The following SPOP variants were observed in gnomAD, a reference collection of about 807,000 sequenced individuals.
SPOP encodes the protein speckle type BTB/POZ protein, also known as speckle-type POZ protein.
A neutral mutation model predicts 45.6 loss-of-function variants in SPOP; 11 were observed. The observed-to-expected ratio is 0.24, with a 90% CI of 0.15 to 0.40. The LOEUF is 0.40. Ranked by LOEUF, SPOP falls within the 10% of genes least tolerant of loss-of-function variation. The pLI is 1.00. For missense variants in SPOP, 152 were observed against 465.6 expected, an observed-to-expected ratio of 0.33 and a Z score of 6.20; for synonymous variants, 166 against 166.3, an observed-to-expected ratio of 1.00 and a Z score of 0.01.
intron 1 of SPOP, among the ~76,000 whole-genome samples, chr17:49,644,614 C>T (rs1049640296): frequency 6.6e-6 from 1 of 152,054 alleles, no homozygotes; most frequent in South Asian, 2.1e-4. Flanking sequence ...AATATTCATA[C>T]TGTATAATAA....
At chr17:49,624,045 T>C (rs2072272970) in intron 1 of SPOP, among the ~76,000 whole-genome samples, 1 of 152,000 alleles carries the variant, frequency 6.6e-6, no homozygotes, top group South Asian at 2.1e-4. Context: ...CAATGGGGTG[T>C]CTCAGTAGCA....
At chr17:49,624,654 T>A (rs1189764343) in intron 1 of SPOP, among the ~76,000 whole-genome samples, 1 of 151,934 alleles carries the variant, frequency 6.6e-6, no homozygotes, top group Non-Finnish European at 1.5e-5. Context: ...TGTATTTTTT[T>A]GTGGAGACAG....
intron 1 of SPOP, among the ~76,000 whole-genome samples, chr17:49,664,572 GTTT>G (rs2073028663): frequency 1.3e-5 from 2 of 152,042 alleles, no homozygotes; most frequent in African/African-American, 4.8e-5. Context: ...GTCCTCAAAA[GTTT>G]TTAACAGTGT....
At chr17:49,674,989 T>C (rs577646615) in intron 1 of SPOP, among the ~76,000 whole-genome samples, 3 of 152,320 alleles carry the variant, frequency 2.0e-5, no homozygotes, top group Non-Finnish European at 2.9e-5. Context: ...GATAAAAGAC[T>C]GCACAAATGA....
In SPOP at chr17:49,665,649, G is replaced by GACACACACACACACACACACAC. The variant is rs71352530; in HGVS notation, c.-67+12262_-67+12283dup. ...CAAAAAAAGATTATATATATATACA[G>GACACACACACACACACACACAC]ACACACACACACACACACACACACA... On this transcript the variant is annotated intron_variant, in intron 1 of 9. Transcript: ENST00000504102. Among the ~76,000 whole-genome samples, 253 of 126,774 alleles carry GACACACACACACACACACACAC rather than the reference G, an allele frequency of 2.0e-3. 7 individuals are homozygous for GACACACACACACACACACACAC. Among genetic ancestry groups the GACACACACACACACACACACAC allele is most frequent in the Admixed American group, 6.1e-3 (71 of 11,618 alleles). The allele number at this position is 126,774 out of a possible 152,430, so 83.2% of individuals were successfully genotyped here.
chr17:49,631,435 A>G (rs558440154), intron 1 of SPOP, among the ~76,000 whole-genome samples: 14 of 152,214 alleles, frequency 9.2e-5, no homozygotes, highest in Non-Finnish European at 2.1e-4. Flanking sequence ...GTCCCACTGT[A>G]TTCCTCTTAA....
At chr17:49,607,834 A>G (rs2071883976) in intron 7 of SPOP, 40 bp downstream of exon 7, 1 of 1,579,312 alleles carries the variant, frequency 6.3e-7, no homozygotes, top group Non-Finnish European at 8.7e-7. Context: ...CTGACTCTAG[A>G]TACCTGGCTA....
Position 49,619,956 on chromosome 17 carries a change from C to G in SPOP, c.201-571G>C, listed in dbSNP as rs558769467. 6.6e-6 allele frequency among the ~76,000 whole-genome samples: 1 copy of G among 150,794 alleles called. No individual in the cohort carries two copies. Among genetic ancestry groups the G allele is most frequent in the Non-Finnish European group, 1.5e-5 (1 of 67,670 alleles). ...GGCGCATCACTTGAGGTCAGGACTT[C>G]GAGGCCAGCCTGGCCAACGTGGTGA... On this transcript the variant is annotated intron_variant, in intron 3 of 9. Transcript: ENST00000504102. The surrounding 1 kb of genome is among the most constrained non-coding windows in gnomAD (Gnocchi z 4.9).
intron 1 of SPOP, among the ~76,000 whole-genome samples, chr17:49,654,416 T>C (rs1243857567): frequency 6.6e-6 from 1 of 152,260 alleles, no homozygotes; most frequent in Non-Finnish European, 1.5e-5. Context: ...AAATAACTGT[T>C]ACAATGTCTG....
At chr17:49,660,188 T>C (rs2072968629) in intron 1 of SPOP, among the ~76,000 whole-genome samples, 1 of 152,248 alleles carries the variant, frequency 6.6e-6, no homozygotes, top group Non-Finnish European at 1.5e-5. Context: ...TCATTTCTAC[T>C]ACTTTCTCTC....
chr17:49,667,743 T>C (rs2073081701), intron 1 of SPOP, among the ~76,000 whole-genome samples: 1 of 152,202 alleles, frequency 6.6e-6, no homozygotes, highest in Non-Finnish European at 1.5e-5. Flanking sequence ...ATTCCACTTC[T>C]GGGCATATAC....
chr17:49,602,197 G>C, intron 8 of SPOP, 190 bp from the exon 9 acceptor site: 1 of 590,126 alleles, frequency 1.7e-6, no homozygotes, highest in Non-Finnish European at 2.7e-6. Context: ...AGCTTGAAAT[G>C]TAAACAGCTA....
At chr17:49,618,471 T>C in intron 5 of SPOP, 1 of 446,336 alleles carries the variant, frequency 2.2e-6, no homozygotes, top group South Asian at 1.6e-5. Flanking sequence ...GAGCTTTACA[T>C]AGCCTTCACC....
At chr17:49,625,522 C>T (rs374471703) in intron 1 of SPOP, among the ~76,000 whole-genome samples, 21 of 152,236 alleles carry the variant, frequency 1.4e-4, no homozygotes, top group African/African-American at 4.8e-4. Context: ...GCAGGAGAAT[C>T]GCTTGAACCT....
At chr17:49,624,609 C>T (rs1427116802) in intron 1 of SPOP, among the ~76,000 whole-genome samples, 3 of 152,074 alleles carry the variant, frequency 2.0e-5, no homozygotes, top group Non-Finnish European at 4.4e-5. Flanking sequence ...GCTAGGACTA[C>T]AGGCGTGCAC....
rs781198550 is a variant in SPOP, at chr17:49,600,338, G to C, written c.*40C>G. On this transcript the variant is annotated 3_prime_UTR_variant, in exon 10 of 10. Coordinates refer to ENST00000504102, the MANE Select transcript of SPOP (RefSeq NM_001007228.2). This position sits in a 1 kb window ranked among gnomAD's most constrained non-coding sequence, Gnocchi z 4.2. ...GTCAGTGGCAGCAACAGTGGCTGCT[G>C]CTTCTGGAAATTAAACGGAGTCTTA... 2 of 1,611,618 alleles carry C rather than the reference G, an allele frequency of 1.2e-6. No individual in the cohort carries two copies. The highest frequency in any genetic ancestry group is 1.1e-5 in the South Asian group (1 of 91,004).
intron 1 of SPOP, among the ~76,000 whole-genome samples, chr17:49,643,025 G>A (rs2072688226): frequency 6.6e-6 from 1 of 152,168 alleles, no homozygotes; most frequent in South Asian, 2.1e-4. Flanking sequence ...AAAATACACA[G>A]GCATCTGATA....
intron 1 of SPOP, among the ~76,000 whole-genome samples, chr17:49,674,159 A>C (rs1208217536): frequency 1.3e-5 from 2 of 152,292 alleles, no homozygotes; most frequent in Admixed American, 6.5e-5. Context: ...AAAAAAAATA[A>C]ATAAATAAAT....
Position 49,667,207 on chromosome 17 carries a change from C to G in SPOP, c.-67+10726G>C, listed in dbSNP as rs1013474014. ...AAAAAAAAAAAAAAAAAAATTAAAA[C>G]ACACCCATTAGGATGGCTACTATTA... On this transcript the variant is annotated intron_variant, in intron 1 of 9. Transcript: ENST00000504102. Among the ~76,000 whole-genome samples the G allele has an allele frequency of 2.3e-5, 3 of 129,802 alleles. No individual in the cohort carries two copies. The East Asian group carries it at 7.2e-4, about 31-fold the overall frequency. 85.2% of individuals were successfully genotyped at this position (129,802 alleles called of 152,430 possible).
Sources: allele counts gnomAD v4.1 joint callset (sites outside exome capture counted in the v4.1 genomes callset), GRCh38; gene constraint gnomAD v4.1.1; non-coding constraint Gnocchi (gnomAD v3.1); transcripts MANE v1.5; gene names NCBI Gene and HGNC (gene_info 2026-07-23, HGNC 2026-07-21).